PHEX: variants seen among roughly 807,000 people sequenced by gnomAD.
PHEX encodes phosphate-regulating neutral endopeptidase PHEX.
PHEX carries 16 observed loss-of-function variants against 68.0 expected under a neutral mutation model. That is an observed-to-expected ratio of 0.24 (90% CI 0.16 to 0.36). The LOEUF (loss-of-function observed/expected upper bound fraction) is 0.36. Ranked by LOEUF, PHEX falls within the 10% of genes least tolerant of loss-of-function variation. The pLI is 1.00. For missense variants in PHEX, 480 were observed against 575.5 expected (o/e 0.83, Z 1.70); for synonymous variants, 208 against 205.1 (o/e 1.01, Z -0.12).
chrX:22,100,501 T>A (rs750630469), intron 9 of PHEX, among the ~76,000 whole-genome samples: 2 of 112,036 alleles, frequency 1.8e-5, no homozygotes, highest in South Asian at 7.5e-4. Flanking sequence ...TAATTTCCAT[T>A]GAAAGGTGGA....
intron 8 of PHEX, among the ~76,000 whole-genome samples, chrX:22,098,659 G>A (rs1251151685): frequency 2.9e-5 from 3 of 104,772 alleles, no homozygotes; most frequent in Non-Finnish European, 3.9e-5. Flanking sequence ...TTAGCCAAGT[G>A]TGGTGGCAGG....
In PHEX at chrX:22,142,089, A is replaced by G. The variant is rs184562451; in HGVS notation, c.1404+8465A>G. Among the ~76,000 whole-genome samples, 450 of 111,362 alleles carry G rather than the reference A, an allele frequency of 4.0e-3. 1 individual carries two copies. The highest frequency in any genetic ancestry group is 0.014 in the African/African-American group (428 of 30,650). On this transcript the variant is annotated intron_variant, in intron 12 of 21. Coordinates refer to ENST00000379374, the MANE Select transcript of PHEX (RefSeq NM_000444.6). ...AACATGGTGAAACCCTGTCTCTACT[A>G]AAAATACAAAAAATTAGCCGGGTGT...
chrX:22,159,980 C>T (rs1933064441), intron 12 of PHEX, among the ~76,000 whole-genome samples: 1 of 112,143 alleles, frequency 8.9e-6, no homozygotes, highest in Admixed American at 9.5e-5. Context: ...TGGTTTTCCT[C>T]AGCTTTTTAA....
Position 22,247,837 on chromosome X carries a change from A to G in PHEX, c.2148-14A>G. ...AGAATTATATGACATATGCTTTGAC[A>G]TATCGTTTTTCAGGGTCAATGGTGC... On this transcript the variant is annotated splice_polypyrimidine_tract_variant and intron_variant, in intron 21 of 21. Transcript: ENST00000379374. 1 of 1,110,836 alleles carries G rather than the reference A, an allele frequency of 9.0e-7. No homozygotes were observed. Among genetic ancestry groups the G allele is most frequent in the Non-Finnish European group, 1.2e-6 (1 of 803,216 alleles). 91.5% of individuals were successfully genotyped at this position (1,110,836 alleles called of 1,213,427 possible).
rs557021634 is a variant in PHEX, at chrX:22,085,164, G to A, written c.664-5265G>A. On this transcript the variant is annotated intron_variant, in intron 5 of 21. Coordinates refer to ENST00000379374, the MANE Select transcript of PHEX (RefSeq NM_000444.6). ...ATTCCTTTTCAGTACTCCTTTGGCT[G>A]TGTTTCATAGATTTTAATATGTTGT... Among the ~76,000 whole-genome samples the A allele has an allele frequency of 1.8e-4, 20 of 111,632 alleles. No individual in the cohort carries two copies. The South Asian group carries it at 6.3e-3, about 35-fold the overall frequency.
In PHEX at chrX:22,127,492, C is replaced by T. The variant is rs143368200; in HGVS notation, c.1303-6031C>T. Among the ~76,000 whole-genome samples the T allele has an allele frequency of 7.4e-3, 824 of 111,146 alleles. 10 individuals are homozygous for T. The highest frequency in any genetic ancestry group is 0.026 in the African/African-American group (792 of 30,580). ...CTGAAGGCAATGTTATTATGTGATG[C>T]TGTAGAGTAGTCTAAAGATAAAAAT... On this transcript the variant is annotated intron_variant, in intron 11 of 21. Coordinates refer to ENST00000379374, the MANE Select transcript of PHEX (RefSeq NM_000444.6).
At chrX:22,212,811 T>C in intron 15 of PHEX, 93 bp from the exon 16 acceptor site, 1 of 670,290 alleles carries the variant, frequency 1.5e-6, no homozygotes, top group South Asian at 2.1e-5. Context: ...GCCTTTCAGA[T>C]GGGTCTTTGA....
intron 3 of PHEX, among the ~76,000 whole-genome samples, chrX:22,069,896 T>C (rs1401317205): frequency 8.9e-6 from 1 of 111,943 alleles, no homozygotes; most frequent in Non-Finnish European, 1.9e-5. Context: ...TATTTTTTAA[T>C]GAGAATAACA....
At chrX:22,087,891 G>A (rs764545897) in intron 5 of PHEX, among the ~76,000 whole-genome samples, 2 of 111,819 alleles carry the variant, frequency 1.8e-5, no homozygotes, top group Non-Finnish European at 3.8e-5. Context: ...TAGAGAAGGT[G>A]CTGGAAATTT....
At chrX:22,191,185 A>C (rs1934189149) in intron 15 of PHEX, among the ~76,000 whole-genome samples, 1 of 110,676 alleles carries the variant, frequency 9.0e-6, no homozygotes, top group African/African-American at 3.3e-5. Flanking sequence ...ACGCCCAGCT[A>C]AATTTTTTTT....
At chrX:22,055,150 G>A (rs1052381612) in intron 3 of PHEX, among the ~76,000 whole-genome samples, 5 of 87,170 alleles carry the variant, frequency 5.7e-5, no homozygotes, top group Admixed American at 4.9e-4. Context: ...ACTCCAGTCC[G>A]GGCAACAGAG....
intron 14 of PHEX, among the ~76,000 whole-genome samples, chrX:22,185,020 T>C (rs958384549): frequency 2.7e-5 from 3 of 112,155 alleles, no homozygotes; most frequent in Middle Eastern, 4.6e-3. Context: ...TAGCCTGATG[T>C]ATATCTATTT....
Position 22,250,435 on chromosome X carries a change from A to G in PHEX, c.*2482A>G, listed in dbSNP as rs1030149826. 2.7e-5 allele frequency: 3 copies of G among 111,853 alleles called. No individual in the cohort carries two copies. Among genetic ancestry groups the G allele is most frequent in the African/African-American group, 6.5e-5 (2 of 30,772 alleles). 9.2% of individuals were successfully genotyped at this position (111,853 alleles called of 1,213,427 possible). A position where few individuals can be genotyped will look rare whatever the true frequency, so the allele number is the denominator to read the frequency against. Reference sequence around the variant, plus strand: ...GAGGAGAGCCATGAAGTTTTACAAAAATAATTATGGTAAATTAAAAGGATA... The same window carrying G: ...GAGGAGAGCCATGAAGTTTTACAAAGATAATTATGGTAAATTAAAAGGATA... On this transcript the variant is annotated 3_prime_UTR_variant, in exon 22 of 22. Coordinates refer to ENST00000379374, the MANE Select transcript of PHEX (RefSeq NM_000444.6).
chrX:22,033,035 G>A lies in PHEX; in HGVS notation c.30G>A (p.Glu10=). Residue 10 remains glutamate, a synonymous_variant, in exon 1 of 22, where the codon GAG becomes GAA. Coordinates refer to ENST00000379374, the MANE Select transcript of PHEX (RefSeq NM_000444.6). MEAETGSSV[E]TGKKANRGTR... ...AAGCAGAAACAGGGAGCAGCGTGGA[G>A]ACTGGAAAGAAGGCCAACAGAGGCA... 3.3e-6 allele frequency: 4 copies of A among 1,209,480 alleles called. No homozygotes were observed. Among genetic ancestry groups the A allele is most frequent in the Non-Finnish European group, 4.5e-6 (4 of 893,951 alleles).
At chrX:22,052,482 C>A (rs1165269325) in intron 3 of PHEX, among the ~76,000 whole-genome samples, 1 of 111,972 alleles carries the variant, frequency 8.9e-6, no homozygotes, top group Non-Finnish European at 1.9e-5. Flanking sequence ...CCTGCCTCAG[C>A]CTCCCCAAGT....
At position 22,059,925 on chromosome X, in the gene PHEX, A is replaced by G. The variant is rs759588295; in HGVS notation, c.349+12714A>G. On this transcript the variant is annotated intron_variant, in intron 3 of 21. Transcript: ENST00000379374. ...TTAAATGCAGTCTTTATGATTGTCTATGCCTTGGAACCTGTATATTTTCAG... is the reference window on the plus strand; with the variant it reads ...TTAAATGCAGTCTTTATGATTGTCTGTGCCTTGGAACCTGTATATTTTCAG... 6.3e-5 allele frequency among the ~76,000 whole-genome samples: 7 copies of G among 111,905 alleles called. No individual in the cohort carries two copies. In the East Asian group the frequency reaches 1.7e-3, roughly 27 times the overall value.
Position 22,036,837 on chromosome X carries a change from C to G in PHEX, c.119-1632C>G, listed in dbSNP as rs747363220. ...GATGGGCCAGGCGCAGTGGCTCACA[C>G]CTGTAATCCCAGCACTTTGGGAGGT... On this transcript the variant is annotated intron_variant, in intron 1 of 21. Transcript: ENST00000379374. 3.7e-4 allele frequency among the ~76,000 whole-genome samples: 40 copies of G among 108,910 alleles called. No homozygotes were observed. The East Asian group carries it at 0.011, about 31-fold the overall frequency. The allele number at this position is 108,910 out of a possible 115,157, so 94.6% of individuals were successfully genotyped here.
chrX:22,238,613 T>C (rs1442474917), intron 20 of PHEX, among the ~76,000 whole-genome samples: 1 of 111,135 alleles, frequency 9.0e-6, no homozygotes, highest in East Asian at 2.8e-4. Flanking sequence ...GAGGCTTGAG[T>C]AGGCTGTTTT....
At chrX:22,038,276 A>C (rs1283030339) in intron 1 of PHEX, among the ~76,000 whole-genome samples, 193 bp from the exon 2 acceptor site, 2 of 111,730 alleles carry the variant, frequency 1.8e-5, no homozygotes, top group Non-Finnish European at 3.8e-5. Context: ...AAAGCAACCA[A>C]GAGTCTTACC....
Sources: gnomAD v4.1 joint callset for allele counts (sites outside exome capture counted in the v4.1 genomes callset) on GRCh38, gnomAD v4.1.1 for gene constraint, MANE v1.5 for transcripts, NCBI Gene and HGNC (gene_info 2026-07-23, HGNC 2026-07-21) for gene names.